Variants in PDZRN4 observed in about 807,000 individuals in gnomAD.
The protein encoded by PDZRN4 is PDZ domain-containing RING finger protein 4.
PDZRN4 carries 70 observed loss-of-function variants against 99.0 expected under a neutral mutation model. That is an observed-to-expected ratio of 0.71 (90% confidence interval 0.58 to 0.86). PDZRN4 has a LOEUF of 0.86. PDZRN4 is among the 40% of genes least tolerant of loss of function. PDZRN4 has a pLI of 0.00. For synonymous variants in PDZRN4, 551 were observed against 501.6 expected (o/e 1.10, Z -1.32); for missense variants, 1,474 against 1,331.2 (o/e 1.11, Z -1.67).
chr12:41,315,782 T>C (rs1023382193), intron 3 of PDZRN4, among the ~76,000 whole-genome samples: 1 of 152,158 alleles, frequency 6.6e-6, no homozygotes, highest in East Asian at 1.9e-4. Flanking sequence ...TCATTTAAAT[T>C]GTATTGCAAG....
intron 3 of PDZRN4, among the ~76,000 whole-genome samples, chr12:41,308,503 G>A (rs1054758651): frequency 6.6e-5 from 10 of 152,230 alleles, no homozygotes; most frequent in African/African-American, 1.4e-4. Context: ...AGATTACAAC[G>A]TCAGAAGCAA....
At chr12:41,190,662 C>T (rs1950730548) in intron 1 of PDZRN4, among the ~76,000 whole-genome samples, 1 of 152,106 alleles carries the variant, frequency 6.6e-6, no homozygotes, top group African/African-American at 2.4e-5. Flanking sequence ...ATGCTGATAG[C>T]AGTGATGATG....
intron 3 of PDZRN4, among the ~76,000 whole-genome samples, chr12:41,282,949 T>C (rs547576613): frequency 3.9e-5 from 6 of 152,208 alleles, no homozygotes; most frequent in Admixed American, 1.3e-4. Context: ...CACCCTAACA[T>C]AGCAATTAAA....
intron 3 of PDZRN4, among the ~76,000 whole-genome samples, chr12:41,485,166 T>C (rs1937750659): frequency 1.3e-5 from 2 of 152,186 alleles, no homozygotes; most frequent in Admixed American, 1.3e-4. Context: ...CCAGAAAAGA[T>C]GTGCTTGTTT....
chr12:41,195,495 G>A (rs903140353), intron 3 of PDZRN4, among the ~76,000 whole-genome samples: 1 of 151,910 alleles, frequency 6.6e-6, no homozygotes, highest in African/African-American at 2.4e-5. Flanking sequence ...TAGAGTAAGA[G>A]TGAAGAATAT....
At chr12:41,249,130 T>C (rs1445930756) in intron 3 of PDZRN4, among the ~76,000 whole-genome samples, 4 of 152,180 alleles carry the variant, frequency 2.6e-5, no homozygotes, top group Non-Finnish European at 5.9e-5. Flanking sequence ...CACACACATA[T>C]ACACACACAG....
At chr12:41,340,844 C>T (rs1268647335) in intron 3 of PDZRN4, among the ~76,000 whole-genome samples, 13 of 151,706 alleles carry the variant, frequency 8.6e-5, no homozygotes, top group African/African-American at 1.2e-4. Flanking sequence ...AAATTGAAGA[C>T]GGGGAAGCAC....
At chr12:41,394,250 G>C (rs1348863329) in intron 3 of PDZRN4, among the ~76,000 whole-genome samples, 1 of 152,072 alleles carries the variant, frequency 6.6e-6, no homozygotes, top group African/African-American at 2.4e-5. Context: ...CCAAAGCCCT[G>C]ACTTCCCATC....
At chr12:41,536,970 A>G (rs1383175255) in intron 5 of PDZRN4, among the ~76,000 whole-genome samples, 4 of 152,158 alleles carry the variant, frequency 2.6e-5, no homozygotes, top group African/African-American at 4.8e-5. Context: ...TTTTTGAGTC[A>G]TACTCCTTGA....
intron 3 of PDZRN4, among the ~76,000 whole-genome samples, chr12:41,358,668 T>C (rs1396515725): frequency 6.6e-6 from 1 of 152,008 alleles, no homozygotes; most frequent in Non-Finnish European, 1.5e-5. Flanking sequence ...ATCACTCATA[T>C]GTGAAACTTG....
intron 3 of PDZRN4, among the ~76,000 whole-genome samples, chr12:41,320,298 G>A (rs192409232): frequency 1.3e-5 from 2 of 152,248 alleles, no homozygotes; most frequent in East Asian, 1.9e-4. Context: ...GATGTGCCCC[G>A]GGAGCAATAT....
chr12:41,309,308 G>GCC (rs1951590745), intron 3 of PDZRN4, among the ~76,000 whole-genome samples: 1 of 152,134 alleles, frequency 6.6e-6, no homozygotes, highest in East Asian at 1.9e-4. Flanking sequence ...AGGCTGGATA[G>GCC]TCTAAAATTG....
chr12:41,268,777 C>T (rs777949495), intron 3 of PDZRN4, among the ~76,000 whole-genome samples: 3 of 152,060 alleles, frequency 2.0e-5, no homozygotes, highest in Non-Finnish European at 4.4e-5. Context: ...TAATGGAGTA[C>T]CTTTCATTTG....
chr12:41,235,543 G>C (rs1445926453), intron 3 of PDZRN4, among the ~76,000 whole-genome samples: 1 of 152,142 alleles, frequency 6.6e-6, no homozygotes, highest in African/African-American at 2.4e-5. Flanking sequence ...CTTTTGAATG[G>C]TGAGGATTTT....
At chr12:41,350,966 T>C (rs1009000195) in intron 3 of PDZRN4, among the ~76,000 whole-genome samples, 3 of 152,128 alleles carry the variant, frequency 2.0e-5, no homozygotes, top group Non-Finnish European at 4.4e-5. Context: ...TTGGAAAGTA[T>C]TGAAACTTTG....
chr12:41,438,277 G>T (rs1284980857), intron 3 of PDZRN4, among the ~76,000 whole-genome samples: 1 of 152,130 alleles, frequency 6.6e-6, no homozygotes, highest in Admixed American at 6.6e-5. Flanking sequence ...AACAGGAGTA[G>T]CACTGAGATC....
chr12:41,435,076 A>C (rs1952616990), intron 3 of PDZRN4, among the ~76,000 whole-genome samples: 1 of 152,158 alleles, frequency 6.6e-6, no homozygotes, highest in Non-Finnish European at 1.5e-5. Flanking sequence ...CTCCAGGGTA[A>C]ATGGGCCAAG....
At chr12:41,371,225 T>C (rs1231101853) in intron 3 of PDZRN4, among the ~76,000 whole-genome samples, 1 of 151,140 alleles carries the variant, frequency 6.6e-6, no homozygotes, top group African/African-American at 2.4e-5. Context: ...TTTCACTACT[T>C]TTTATGTTAA....
At chr12:41,528,168 C>G (rs546256221) in intron 5 of PDZRN4, among the ~76,000 whole-genome samples, 1 of 151,376 alleles carries the variant, frequency 6.6e-6, no homozygotes, top group African/African-American at 2.4e-5. Flanking sequence ...GAATAAGGAG[C>G]CGTTTTTGGG....
Sources: allele counts gnomAD v4.1 joint callset (sites outside exome capture counted in the v4.1 genomes callset), GRCh38; gene constraint gnomAD v4.1.1; transcripts MANE v1.5; gene names NCBI Gene and HGNC (gene_info 2026-07-23, HGNC 2026-07-21).